PCDHA3: variants seen among roughly 807,000 people sequenced by gnomAD.
PCDHA3 encodes the protein protocadherin alpha 3, also known as protocadherin alpha-3.
In PCDHA3, 41 loss-of-function variants were observed where a neutral mutation model predicts 62.2. That is an observed-to-expected ratio of 0.66 (90% CI 0.51 to 0.86). PCDHA3 has a LOEUF of 0.86. Among genes scored for constraint, PCDHA3 ranks in the 40% least tolerant of loss-of-function variants. The pLI, the probability that PCDHA3 is intolerant of heterozygous loss-of-function variation, is 0.00. For synonymous variants in PCDHA3, 640 were observed against 555.4 expected, an observed-to-expected ratio of 1.15 and a Z score of -2.14; for missense variants, 1,304 against 1,241.2, an observed-to-expected ratio of 1.05 and a Z score of -0.76.
intron 1 of PCDHA3, among the ~76,000 whole-genome samples, chr5:140,978,596 C>T (rs2096811689): frequency 6.6e-6 from 1 of 152,204 alleles, no homozygotes; most frequent in African/African-American, 2.4e-5. Context: ...CTTAATGGGG[C>T]ACTTGAGGGC....
In PCDHA3 at chr5:140,906,570, T is replaced by C. The variant is rs371493282; in HGVS notation, c.2395-72379T>C. ...TGCAACTGGTTGTGTGGTTCATAGCTGGTATTGATGACTACCTTCCTCTAC... is the reference window on the plus strand; with the variant it reads ...TGCAACTGGTTGTGTGGTTCATAGCCGGTATTGATGACTACCTTCCTCTAC... On this transcript the variant is annotated intron_variant, in intron 1 of 3. Coordinates refer to ENST00000522353, the MANE Select transcript of PCDHA3 (RefSeq NM_018906.3). 1.7e-4 allele frequency among the ~76,000 whole-genome samples: 26 copies of C among 152,230 alleles called. No homozygotes were observed. In the East Asian group the frequency reaches 2.1e-3, roughly 12 times the overall value.
rs2150500536 is a variant in PCDHA3, at chr5:140,850,854, G to C, written c.2394+47263G>C. On this transcript the variant is annotated intron_variant, in intron 1 of 3. Transcript: ENST00000522353. ...TTGTGCTGGATCTACAGAGCGAACG[G>C]GAGAACCCTCTGCTTCCTCAGATTC... 60 of 1,595,366 alleles carry C rather than the reference G, an allele frequency of 3.8e-5. 3 individuals carry two copies. In the South Asian group the frequency reaches 6.2e-4, roughly 16 times the overall value.
At chr5:140,869,377 C>A (rs1055077118) in intron 1 of PCDHA3, 2 of 1,614,110 alleles carry the variant, frequency 1.2e-6, no homozygotes, top group Non-Finnish European at 8.5e-7. Context: ...TCGGATCGAC[C>A]GCGAGGAGCT....
chr5:140,986,280 C>T (rs2097193236), intron 3 of PCDHA3, among the ~76,000 whole-genome samples: 1 of 152,116 alleles, frequency 6.6e-6, no homozygotes, highest in African/African-American at 2.4e-5. Flanking sequence ...TTTCAGCTTC[C>T]CTTGAGACTG....
chr5:140,996,944 ATATT>A (rs2097754010), intron 3 of PCDHA3, among the ~76,000 whole-genome samples: 1 of 152,144 alleles, frequency 6.6e-6, no homozygotes, highest in Non-Finnish European at 1.5e-5. Flanking sequence ...TTGCATAGAA[ATATT>A]TATTTCCCTC....
At chr5:140,904,074 T>G (rs2070811489) in intron 1 of PCDHA3, among the ~76,000 whole-genome samples, 1 of 152,214 alleles carries the variant, frequency 6.6e-6, no homozygotes, top group East Asian at 1.9e-4. Flanking sequence ...GGGAACAGTA[T>G]TTGGTTACAT....
Position 140,802,501 on chromosome 5 carries a change from T to G in PCDHA3, c.1304T>G (p.Leu435Arg). 1 of 1,614,164 alleles carries G rather than the reference T, an allele frequency of 6.2e-7. No homozygotes were observed. The highest frequency in any genetic ancestry group is 8.5e-7 in the Non-Finnish European group (1 of 1,180,032). Reference protein sequence around the residue: ...VTARDGGSPSLWATASVSVEV... With the variant: ...VTARDGGSPSRWATASVSVEV... ...GCTCGGGACGGGGGCTCGCCTTCAC[T>G]GTGGGCCACGGCCAGCGTGTCCGTG... Residue 435 changes from leucine (L) to arginine (R), a missense_variant, in exon 1 of 4, where the codon CTG (leucine) becomes CGG (arginine). By Grantham distance (102) the Leu-to-Arg change is moderately radical. Coordinates refer to ENST00000522353, the MANE Select transcript of PCDHA3 (RefSeq NM_018906.3).
chr5:140,955,922 GTTCA>G (rs1413540621), intron 1 of PCDHA3, among the ~76,000 whole-genome samples: 2 of 152,138 alleles, frequency 1.3e-5, no homozygotes, highest in African/African-American at 4.8e-5. Flanking sequence ...GTGAATGGGA[GTTCA>G]TTCATAATAT....
rs540108731 is a variant in PCDHA3 at position 140,802,434 on chromosome 5, C to T, written c.1237C>T (p.Leu413=). 3.7e-6 allele frequency: 6 copies of T among 1,614,248 alleles called. No individual in the cohort carries two copies. In the South Asian group the frequency reaches 6.6e-5, roughly 18 times the overall value. The stretch of plus-strand genomic sequence containing the variant: ...CTACTCATTGGTGCTGGACAGCCCT[C>T]TGGACCGCGAGAGCGTGTCGGCCTA... ...NYYSLVLDSP[L]DRESVSAYEL... is the part of the protein sequence containing the mutation. The change falls in exon 1 of 4, where the codon CTG becomes TTG. Residue 413 remains leucine (L), a synonymous_variant. Transcript: ENST00000522353.
chr5:140,945,948 C>T (rs782232521), intron 1 of PCDHA3, among the ~76,000 whole-genome samples: 6 of 151,900 alleles, frequency 3.9e-5, no homozygotes, highest in Non-Finnish European at 5.9e-5. Context: ...TTTTATATGA[C>T]CCTGAAAGCA....
At chr5:140,884,376 C>T (rs1554181489) in intron 1 of PCDHA3, 2 of 1,613,982 alleles carry the variant, frequency 1.2e-6, no homozygotes, top group Non-Finnish European at 1.7e-6. Context: ...TTGATCATTG[C>T]CATCTGCGCG....
chr5:140,828,284 A>C (rs2150153622), intron 1 of PCDHA3: 17 of 1,613,938 alleles, frequency 1.1e-5, no homozygotes, highest in East Asian at 4.5e-5. Context: ...GCGCCTGTTC[A>C]GGATGGCCTC....
At chr5:140,841,950 T>C (rs1580983640) in intron 1 of PCDHA3, 1 of 1,613,892 alleles carries the variant, frequency 6.2e-7, no homozygotes. Context: ...GCGCACCACT[T>C]ATTCCTGACA....
At chr5:140,967,942 A>G in intron 1 of PCDHA3, 1 of 1,614,226 alleles carries the variant, frequency 6.2e-7, no homozygotes, top group Non-Finnish European at 8.5e-7. Context: ...TCAATGACCA[A>G]GACTCAGGCC....
At chr5:140,875,268 A>G (rs1484025646) in intron 1 of PCDHA3, 4 of 1,218,994 alleles carry the variant, frequency 3.3e-6, no homozygotes, top group Non-Finnish European at 4.4e-6. Context: ...GTCGCTCTAC[A>G]CTCAGAAGGT....
At chr5:140,901,452 A>G (rs1352830826) in intron 1 of PCDHA3, among the ~76,000 whole-genome samples, 1 of 152,120 alleles carries the variant, frequency 6.6e-6, no homozygotes, top group African/African-American at 2.4e-5. Flanking sequence ...TTCCCAGCAC[A>G]GACTGTCTTT....
At chr5:140,989,947 T>G (rs2097368215) in intron 3 of PCDHA3, among the ~76,000 whole-genome samples, 1 of 152,062 alleles carries the variant, frequency 6.6e-6, no homozygotes, top group Non-Finnish European at 1.5e-5. Context: ...CACGTTTTTC[T>G]CGGTGAGACC....
rs1292142612 is a variant in PCDHA3, at chr5:140,808,154, A to G, written c.2394+4563A>G. Reference sequence around the variant, plus strand: ...ATCCTATGAAATTATTGTAGAGGGCATTGATAAGGGACAGCTCCCACTTTC... The same window carrying G: ...ATCCTATGAAATTATTGTAGAGGGCGTTGATAAGGGACAGCTCCCACTTTC... On this transcript the variant is annotated intron_variant, in intron 1 of 3. Coordinates refer to ENST00000522353, the MANE Select transcript of PCDHA3 (RefSeq NM_018906.3). 9 of 1,614,102 alleles carry G rather than the reference A, an allele frequency of 5.6e-6. No individual in the cohort carries two copies. In the Admixed American group the frequency reaches 1.5e-4, roughly 27 times the overall value.
rs1230635185 is a variant in PCDHA3, at chr5:140,802,028, C to G, written c.831C>G (p.Ile277Met). 1 of 1,614,018 alleles carries G rather than the reference C, an allele frequency of 6.2e-7. No homozygotes were observed. Among genetic ancestry groups the G allele is most frequent in the Non-Finnish European group, 8.5e-7 (1 of 1,180,042 alleles). ...TDLDEGVNKD[I>M]AYSFNTDMSA... is the part of the protein sequence containing the mutation. ...TGGATGAAGGAGTAAATAAGGATATCGCGTATTCTTTCAATACGGACATGT... is the reference window on the plus strand; with the variant it reads ...TGGATGAAGGAGTAAATAAGGATATGGCGTATTCTTTCAATACGGACATGT... Residue 277 changes from isoleucine to methionine, a missense_variant, in exon 1 of 4, where the codon ATC becomes ATG. Transcript: ENST00000522353.
Sources: gnomAD v4.1 joint callset for allele counts (sites outside exome capture counted in the v4.1 genomes callset) on GRCh38, gnomAD v4.1.1 for gene constraint, MANE v1.5 for transcripts, NCBI Gene and HGNC (gene_info 2026-07-23, HGNC 2026-07-21) for gene names.